The following PTPRG variants were observed in gnomAD, a reference collection of about 807,000 sequenced individuals.
The protein encoded by PTPRG is protein tyrosine phosphatase receptor type G, also known as receptor-type tyrosine-protein phosphatase gamma.
A neutral mutation model predicts 165.3 loss-of-function variants in PTPRG; 102 were observed. That is an observed-to-expected ratio of 0.62 (90% CI 0.53 to 0.73). The LOEUF is 0.73. Ranked by LOEUF, PTPRG falls within the 30% of genes least tolerant of loss-of-function variation. The pLI, the probability that PTPRG is intolerant of heterozygous loss-of-function variation, is 0.00. For synonymous variants in PTPRG, 675 were observed against 669.5 expected, an observed-to-expected ratio of 1.01 and a Z score of -0.13; for missense variants, 1,866 against 1,861.4, an observed-to-expected ratio of 1.00 and a Z score of -0.05.
In PTPRG at chr3:62,209,958, C is replaced by T. The variant is rs543254605; in HGVS notation, c.2155+6008C>T. Among the ~76,000 whole-genome samples, 7 of 152,286 alleles carry T rather than the reference C, an allele frequency of 4.6e-5. No individual in the cohort carries two copies. In the East Asian group the frequency reaches 5.8e-4, roughly 13 times the overall value. On this transcript the variant is annotated intron_variant, in intron 12 of 29. Coordinates refer to ENST00000474889, the MANE Select transcript of PTPRG (RefSeq NM_002841.4). ...CTGTCCGTGACTGATTTCAGAACCA[C>T]GTACTATTGCAACCAACTGTCAGTG...
intron 1 of PTPRG, among the ~76,000 whole-genome samples, chr3:61,570,479 T>C (rs975296048): frequency 2.0e-5 from 3 of 152,162 alleles, no homozygotes; most frequent in African/African-American, 7.2e-5. Context: ...TATTTTTGGG[T>C]CTGTGATACT....
At chr3:62,192,300 A>G (rs1212505401) in intron 9 of PTPRG, among the ~76,000 whole-genome samples, 1 of 151,488 alleles carries the variant, frequency 6.6e-6, no homozygotes. Flanking sequence ...AAAAATTTAC[A>G]TAAATGTTTA....
chr3:61,682,760 C>T (rs1703494575), intron 1 of PTPRG, among the ~76,000 whole-genome samples: 1 of 152,176 alleles, frequency 6.6e-6, no homozygotes, highest in African/African-American at 2.4e-5. Flanking sequence ...TTATAATCAT[C>T]ACCACAAGTG....
intron 2 of PTPRG, among the ~76,000 whole-genome samples, chr3:61,801,950 G>A (rs542715369): frequency 8.6e-5 from 13 of 151,822 alleles, no homozygotes; most frequent in African/African-American, 2.7e-4. Context: ...ACTTGAACCC[G>A]GGATGTGGAG....
At chr3:62,290,476 G>A (rs997124767) in intron 28 of PTPRG, among the ~76,000 whole-genome samples, 5 of 152,028 alleles carry the variant, frequency 3.3e-5, no homozygotes, top group Non-Finnish European at 7.4e-5. Flanking sequence ...AAAACAATAC[G>A]AAGTAAATGT....
At chr3:61,760,468 T>C (rs73109204) in intron 2 of PTPRG, among the ~76,000 whole-genome samples, 2,095 of 152,286 alleles carry the variant, frequency 0.014, 24 homozygotes, top group African/African-American at 0.028. Flanking sequence ...CTGTGACTGA[T>C]TATTATCTCT....
At chr3:61,609,006 A>C (rs547471219) in intron 1 of PTPRG, among the ~76,000 whole-genome samples, 2 of 152,138 alleles carry the variant, frequency 1.3e-5, no homozygotes, top group African/African-American at 4.8e-5. Context: ...TTTGCCCTCG[A>C]TGTGTGAGGT....
chr3:61,799,694 A>C (rs1457022734), intron 2 of PTPRG, among the ~76,000 whole-genome samples: 3 of 152,184 alleles, frequency 2.0e-5, no homozygotes, highest in African/African-American at 7.2e-5. Context: ...TATGACCTTG[A>C]TCTCCTGGAC....
intron 28 of PTPRG, among the ~76,000 whole-genome samples, chr3:62,290,978 C>CG (rs1702867997): frequency 6.6e-6 from 1 of 151,808 alleles, no homozygotes; most frequent in South Asian, 2.1e-4. Flanking sequence ...AGAAACAGAT[C>CG]GGGGGGCAAA....
At position 62,050,119 on chromosome 3, in the gene PTPRG, C is replaced by A. The variant is rs181573135; in HGVS notation, c.520-28044C>A. On this transcript the variant is annotated intron_variant, in intron 4 of 29. Coordinates refer to ENST00000474889, the MANE Select transcript of PTPRG (RefSeq NM_002841.4). ...AATAGGTAAAACAATACTGTCAATC[C>A]ATTATATGAAAGAAAATAGGATAAA... 3.3e-3 allele frequency among the ~76,000 whole-genome samples: 505 copies of A among 152,142 alleles called. 1 individual carries two copies. The highest frequency in any genetic ancestry group is 0.011 in the African/African-American group (470 of 41,506).
At chr3:62,249,034 A>G (rs1701351970) in intron 15 of PTPRG, among the ~76,000 whole-genome samples, 1 of 152,214 alleles carries the variant, frequency 6.6e-6, no homozygotes, top group Non-Finnish European at 1.5e-5. Flanking sequence ...TCTTTTGACT[A>G]TAATGAAGCC....
chr3:61,990,041 A>T (rs1213823814), intron 3 of PTPRG, among the ~76,000 whole-genome samples: 1 of 152,162 alleles, frequency 6.6e-6, no homozygotes, highest in African/African-American at 2.4e-5. Flanking sequence ...TTATACATCT[A>T]GACCTAGGGT....
chr3:61,623,162 A>C (rs1701508935), intron 1 of PTPRG, among the ~76,000 whole-genome samples: 1 of 152,188 alleles, frequency 6.6e-6, no homozygotes, highest in Non-Finnish European at 1.5e-5. Context: ...TTTTTTGCTC[A>C]GGGTCTAAGA....
At chr3:61,659,804 T>A (rs569673650) in intron 1 of PTPRG, among the ~76,000 whole-genome samples, 42 of 152,346 alleles carry the variant, frequency 2.8e-4, no homozygotes, top group African/African-American at 9.4e-4. Flanking sequence ...AATTCCTGGA[T>A]GTGATACACA....
intron 28 of PTPRG, among the ~76,000 whole-genome samples, chr3:62,284,908 T>A (rs1702583436): frequency 6.6e-6 from 1 of 152,132 alleles, no homozygotes; most frequent in Non-Finnish European, 1.5e-5. Flanking sequence ...CTGAAGTACT[T>A]CCTGCATGCC....
At chr3:61,985,586 A>C (rs1352134668) in intron 2 of PTPRG, among the ~76,000 whole-genome samples, 1 of 152,110 alleles carries the variant, frequency 6.6e-6, no homozygotes, top group Non-Finnish European at 1.5e-5. Context: ...GGCAGCTTAA[A>C]TTGTCCAAGG....
Position 62,288,356 on chromosome 3 carries a change from C to T in PTPRG, c.4056-4065C>T, listed in dbSNP as rs183232655. On this transcript the variant is annotated intron_variant, in intron 28 of 29. Coordinates refer to ENST00000474889, the MANE Select transcript of PTPRG (RefSeq NM_002841.4). Reference sequence around the variant, plus strand: ...AAATATGATGAAGGAAAAAACCTACCGTATATCTGTAGCTACATTAAAAAC... The same window carrying T: ...AAATATGATGAAGGAAAAAACCTACTGTATATCTGTAGCTACATTAAAAAC... 3.9e-3 allele frequency among the ~76,000 whole-genome samples: 596 copies of T among 152,042 alleles called. 1 individual carries two copies. Among genetic ancestry groups the T allele is most frequent in the Middle Eastern group, 0.031 (9 of 294 alleles).
In PTPRG at chr3:62,255,114, T is replaced by A; in HGVS notation, c.2468-10T>A. On this transcript the variant is annotated splice_polypyrimidine_tract_variant and intron_variant, in intron 15 of 29. Coordinates refer to ENST00000474889, the MANE Select transcript of PTPRG (RefSeq NM_002841.4). The surrounding 1 kb of genome is among the most constrained non-coding windows in gnomAD (Gnocchi z 4.0). ...CTATGTAACTTTGAATATTATTTTA[T>A]TCCCCCCAGATGACATGGAAGCCAT... The A allele has an allele frequency of 6.2e-7, 1 of 1,604,698 alleles. No homozygotes were observed. Among genetic ancestry groups the A allele is most frequent in the South Asian group, 1.1e-5 (1 of 90,078 alleles).
chr3:62,103,007 C>G (rs141511439), intron 5 of PTPRG, among the ~76,000 whole-genome samples: 1 of 152,184 alleles, frequency 6.6e-6, no homozygotes, highest in Non-Finnish European at 1.5e-5. Flanking sequence ...ACAAGTCTTT[C>G]TGTTATATCC....
Sources: allele counts gnomAD v4.1 joint callset (sites outside exome capture counted in the v4.1 genomes callset), GRCh38; gene constraint gnomAD v4.1.1; non-coding constraint Gnocchi (gnomAD v3.1); transcripts MANE v1.5; gene names NCBI Gene and HGNC (gene_info 2026-07-23, HGNC 2026-07-21).